Variants in DHX36 observed in about 807,000 individuals in gnomAD.
The protein encoded by DHX36 is DEAH-box helicase 36.
A neutral mutation model predicts 139.0 loss-of-function variants in DHX36; 50 were observed. The ratio of observed to expected loss-of-function variants is 0.36; its 90% CI spans 0.29 to 0.46. The LOEUF is 0.46. DHX36 is among the 20% of genes least tolerant of loss of function. The pLI is 1.00. For missense variants in DHX36, 1,024 were observed against 1,211.3 expected, an observed-to-expected ratio of 0.85 and a Z score of 2.29; for synonymous variants, 425 against 401.9, an observed-to-expected ratio of 1.06 and a Z score of -0.69.
chr3:154,291,620 T>C (rs1013779217), intron 15 of DHX36, among the ~76,000 whole-genome samples: 1 of 152,222 alleles, frequency 6.6e-6, no homozygotes, highest in African/African-American at 2.4e-5. Flanking sequence ...TGGGATAATG[T>C]GCAAAGATTA....
At chr3:154,290,528 T>C (rs1463674317) in intron 15 of DHX36, among the ~76,000 whole-genome samples, 1 of 147,380 alleles carries the variant, frequency 6.8e-6, no homozygotes, top group East Asian at 2.1e-4. Flanking sequence ...GTAGTCCCAG[T>C]GGGAGGCTGA....
rs534243923 is a variant in DHX36, at chr3:154,304,713, T to G, written c.1135+93A>C. On this transcript the variant is annotated intron_variant, in intron 8 of 24. Coordinates refer to ENST00000496811, the MANE Select transcript of DHX36 (RefSeq NM_020865.3). The stretch of plus-strand genomic sequence containing the variant: ...TAAAATAAAATTAACAGCTAAACAT[T>G]CATTTTGACTACTCTTTACCTAGTA... 5 of 917,532 alleles carry G rather than the reference T, an allele frequency of 5.4e-6. No individual in the cohort carries two copies. In the South Asian group the frequency reaches 1.3e-4, roughly 23 times the overall value. The allele number at this position is 917,532 out of a possible 1,614,324, so 56.8% of individuals were successfully genotyped here.
chr3:154,316,759 G>C (rs1339546101), intron 1 of DHX36, among the ~76,000 whole-genome samples: 1 of 150,100 alleles, frequency 6.7e-6, no homozygotes, highest in African/African-American at 2.5e-5. Flanking sequence ...GGTGAACTAT[G>C]AAACTTTGCA....
At chr3:154,290,633 C>CAA (rs10706343) in intron 15 of DHX36, among the ~76,000 whole-genome samples, 2 of 77,412 alleles carry the variant, frequency 2.6e-5, no homozygotes, top group Non-Finnish European at 2.5e-5. Flanking sequence ...GACTTCATCT[C>CAA]AAAAAAAAAA....
Position 154,280,606 on chromosome 3 carries a change from C to T in DHX36, c.2540G>A (p.Arg847Gln), listed in dbSNP as rs1324011744. 13 of 1,611,996 alleles carry T rather than the reference C, an allele frequency of 8.1e-6. No homozygotes were observed. Among genetic ancestry groups the T allele is most frequent in the South Asian group, 6.6e-5 (6 of 90,436 alleles). ...TTTTCTTTTTTTACCCAAATTTAGTCGAATTTTAGCAACTTTGGGATATAA... is the reference window on the plus strand; with the variant it reads ...TTTTCTTTTTTTACCCAAATTTAGTTGAATTTTAGCAACTTTGGGATATAA... The part of the protein sequence containing the change: ...AGLYPKVAKI[R>Q]LNLGKKRKMV... The change falls in exon 22 of 25, where the codon CGA becomes CAA. Residue 847 changes from arginine (R) to glutamine (Q), a missense_variant. Arg to Gln is a conservative substitution (Grantham distance 43, BLOSUM62 1). Transcript: ENST00000496811.
chr3:154,289,959 G>A (rs1260053528), intron 15 of DHX36, 133 bp from the exon 16 acceptor site: 11 of 554,202 alleles, frequency 2.0e-5, no homozygotes, highest in South Asian at 5.9e-5. Flanking sequence ...GCTAATGTAC[G>A]TAATTATTTT....
Position 154,304,888 on chromosome 3 carries a change from T to C in DHX36, c.1053A>G (p.Lys351=), listed in dbSNP as rs1712440938. The part of the protein sequence containing the change: ...LQSDVLMTVV[K]DLLNFRSDLK... Reference sequence around the variant, plus strand: ...AGTCAGATCGAAAATTGAGAAGGTCTTTAACAACAGTCATTAAAACATCTG... The same window carrying C: ...AGTCAGATCGAAAATTGAGAAGGTCCTTAACAACAGTCATTAAAACATCTG... The change falls in exon 8 of 25, where the codon AAA becomes AAG. Residue 351 remains lysine, a synonymous_variant. Transcript: ENST00000496811. 1.9e-6 allele frequency: 3 copies of C among 1,612,626 alleles called. No individual in the cohort carries two copies. The highest frequency in any genetic ancestry group is 2.5e-6 in the Non-Finnish European group (3 of 1,179,528).
rs6771155 is a variant in DHX36 at position 154,274,642 on chromosome 3, C to T, written c.*1529G>A. ...GCCTATTAGTGAGTAAAACATTTTT[C>T]AGACACCCCCTTGAAGATCACTTCT... On this transcript the variant is annotated 3_prime_UTR_variant, in exon 25 of 25. Coordinates refer to ENST00000496811, the MANE Select transcript of DHX36 (RefSeq NM_020865.3). 0.14 allele frequency: 21,305 copies of T among 152,194 alleles called. 1,869 individuals carry two copies. The highest frequency in any genetic ancestry group is 0.39 in the East Asian group (1,982 of 5,148). The allele number at this position is 152,194 out of a possible 1,614,324, so 9.4% of individuals were successfully genotyped here. A position where few individuals can be genotyped will look rare whatever the true frequency, so the allele number is the denominator to read the frequency against.
At chr3:154,320,411 A>G (rs1471012501) in intron 1 of DHX36, among the ~76,000 whole-genome samples, 2 of 151,694 alleles carry the variant, frequency 1.3e-5, no homozygotes, top group East Asian at 3.9e-4. Flanking sequence ...TGCACATTCA[A>G]GTCTGAGAAG....
chr3:154,324,019 G>A (rs919689065), intron 1 of DHX36, among the ~76,000 whole-genome samples, 155 bp downstream of exon 1: 1 of 152,174 alleles, frequency 6.6e-6, no homozygotes, highest in African/African-American at 2.4e-5. Context: ...CAGTACACCC[G>A]CTACGGGGAG....
At chr3:154,320,311 A>C (rs557663505) in intron 1 of DHX36, among the ~76,000 whole-genome samples, 1 of 151,846 alleles carries the variant, frequency 6.6e-6, no homozygotes, top group Non-Finnish European at 1.5e-5. Context: ...CAGACCAGCA[A>C]CACTGGCATC....
intron 14 of DHX36, 84 bp downstream of exon 14, chr3:154,293,664 G>GA: frequency 2.0e-6 from 2 of 1,001,616 alleles, no homozygotes; most frequent in South Asian, 1.5e-5. Context: ...ATATGGTAGA[G>GA]AAAAAAGATT....
intron 1 of DHX36, among the ~76,000 whole-genome samples, chr3:154,318,266 G>T (rs1351250274): frequency 1.3e-5 from 2 of 152,090 alleles, no homozygotes; most frequent in African/African-American, 4.8e-5. Flanking sequence ...GTGAAAATGA[G>T]TGGCTAATTT....
chr3:154,280,986 T>C (rs1248886982), intron 20 of DHX36, 124 bp from the exon 21 acceptor site: 3 of 722,394 alleles, frequency 4.2e-6, no homozygotes, highest in Non-Finnish European at 6.7e-6. Context: ...TTAGCAAACA[T>C]GTTTTAAAGC....
chr3:154,299,582 G>T, intron 12 of DHX36: 1 of 413,930 alleles, frequency 2.4e-6, no homozygotes, highest in Non-Finnish European at 4.5e-6. Context: ...CAGAAACACT[G>T]GGCCAAGGGA....
chr3:154,318,714 A>G (rs1713080317), intron 1 of DHX36, among the ~76,000 whole-genome samples: 1 of 152,208 alleles, frequency 6.6e-6, no homozygotes, highest in African/African-American at 2.4e-5. Flanking sequence ...GTTGAATTGT[A>G]GTACACCCAG....
chr3:154,296,600 AATT>A (rs1436283663), intron 12 of DHX36, among the ~76,000 whole-genome samples: 1 of 152,230 alleles, frequency 6.6e-6, no homozygotes, highest in African/African-American at 2.4e-5. Flanking sequence ...GCCCATTCAC[AATT>A]ATTAGCCAAC....
chr3:154,308,967 C>A (rs115594957), intron 5 of DHX36, among the ~76,000 whole-genome samples: 2,092 of 152,054 alleles, frequency 0.014, 42 homozygotes, highest in African/African-American at 0.048. Context: ...GTGGGCAGAT[C>A]GCTTGAGCCC....
At chr3:154,318,431 C>A (rs1210314040) in intron 1 of DHX36, among the ~76,000 whole-genome samples, 1 of 152,024 alleles carries the variant, frequency 6.6e-6, no homozygotes, top group African/African-American at 2.4e-5. Context: ...AAACAATTTC[C>A]TAGATTGACA....
Sources: gnomAD v4.1 joint callset for allele counts (sites outside exome capture counted in the v4.1 genomes callset) on GRCh38, gnomAD v4.1.1 for gene constraint, MANE v1.5 for transcripts, NCBI Gene and HGNC (gene_info 2026-07-23, HGNC 2026-07-21) for gene names.